Variants in ITPR1 observed in about 807,000 individuals in gnomAD.
The protein encoded by ITPR1 is inositol 1,4,5-trisphosphate receptor type 1.
A neutral mutation model predicts 318.4 loss-of-function variants in ITPR1; 96 were observed. That is an observed-to-expected ratio of 0.30 (90% confidence interval 0.26 to 0.36). The LOEUF is 0.36. Among genes scored for constraint, ITPR1 ranks in the 10% least tolerant of loss-of-function variants. The probability of loss-of-function intolerance (pLI) is 1.00; values close to 1 mark genes in which losing one functional copy is unlikely to be tolerated. For missense variants in ITPR1, 2,440 were observed against 3,460.2 expected (o/e 0.71, Z 7.40); for synonymous variants, 1,312 against 1,289.9 (o/e 1.02, Z -0.37).
intron 4 of ITPR1, among the ~76,000 whole-genome samples, chr3:4,586,633 C>G (rs1244442702): frequency 6.6e-6 from 1 of 151,716 alleles, no homozygotes; most frequent in Non-Finnish European, 1.5e-5. Context: ...CCTCAGCTTC[C>G]TGAGTAGCTG....
chr3:4,615,464 C>T (rs2092351397), intron 4 of ITPR1, among the ~76,000 whole-genome samples: 1 of 151,408 alleles, frequency 6.6e-6, no homozygotes, highest in Non-Finnish European at 1.5e-5. Context: ...GCAACCCCTG[C>T]CTCCCGGGTT....
chr3:4,828,470 C>G (rs1000728783), intron 60 of ITPR1, among the ~76,000 whole-genome samples: 1 of 152,152 alleles, frequency 6.6e-6, no homozygotes, highest in African/African-American at 2.4e-5. Flanking sequence ...TCGCCCTGCC[C>G]TTGTCCAGCA....
chr3:4,798,019 T>C (rs1196957878), intron 53 of ITPR1, among the ~76,000 whole-genome samples: 1 of 152,206 alleles, frequency 6.6e-6, no homozygotes, highest in Non-Finnish European at 1.5e-5. Flanking sequence ...AGCACTATGT[T>C]TTTTAACACT....
At chr3:4,693,307 A>G (rs2094508164) in intron 32 of ITPR1, among the ~76,000 whole-genome samples, 183 bp from the exon 33 acceptor site, 1 of 152,182 alleles carries the variant, frequency 6.6e-6, no homozygotes, top group Admixed American at 6.5e-5. Flanking sequence ...TCTGTGGACT[A>G]AAATTATGAT....
intron 44 of ITPR1, among the ~76,000 whole-genome samples, chr3:4,764,624 C>T (rs1192983591): frequency 6.6e-6 from 1 of 152,200 alleles, no homozygotes; most frequent in Non-Finnish European, 1.5e-5. Context: ...GCTGTAGGGG[C>T]AGCCTCACTG....
At chr3:4,668,256 C>A (rs1057301790) in intron 18 of ITPR1, among the ~76,000 whole-genome samples, 1 of 150,618 alleles carries the variant, frequency 6.6e-6, no homozygotes, top group East Asian at 1.9e-4. Flanking sequence ...TCCCCACCTC[C>A]CCCCTGCCCT....
At chr3:4,645,543 A>G (rs760645464) in intron 9 of ITPR1, 39 bp from the exon 10 acceptor site, 3 of 1,609,162 alleles carry the variant, frequency 1.9e-6, no homozygotes, top group South Asian at 2.2e-5. Flanking sequence ...CTCTTTTTAA[A>G]TTCTTTTTTC....
chr3:4,674,774 A>G (rs1179815262), intron 22 of ITPR1, among the ~76,000 whole-genome samples: 1 of 151,838 alleles, frequency 6.6e-6, no homozygotes, highest in African/African-American at 2.4e-5. Context: ...CTTATTGGGA[A>G]TAACTCTGCT....
rs58015996 is a variant in ITPR1, at chr3:4,834,965, T to C, written c.8029-1809T>C. Among the ~76,000 whole-genome samples the C allele has an allele frequency of 8.8e-3, 1,343 of 152,224 alleles. 14 individuals carry two copies. Among genetic ancestry groups the C allele is most frequent in the African/African-American group, 0.031 (1,268 of 41,514 alleles). On this transcript the variant is annotated intron_variant, in intron 60 of 61. Coordinates refer to ENST00000649015, the MANE Select transcript of ITPR1 (RefSeq NM_001378452.1). ...CAGCTCAGGCTTACTACTTAAGCAT[T>C]TGTTATTAGGGTGCATGCAGAAGAA...
intron 40 of ITPR1, among the ~76,000 whole-genome samples, chr3:4,723,321 G>C (rs1209297189): frequency 6.6e-6 from 1 of 152,192 alleles, no homozygotes; most frequent in Non-Finnish European, 1.5e-5. Flanking sequence ...GGGTTTTCCA[G>C]TCTATTCCAC....
Position 4,561,855 on chromosome 3 carries a change from G to A in ITPR1, c.163+40761G>A, listed in dbSNP as rs978076678. On this transcript the variant is annotated intron_variant, in intron 4 of 61. Transcript: ENST00000649015. ...TTGTTTTGCTCAAAGGTCACATTGA[G>A]GATTCAGAGCTCATGACTCAGGATG... is the stretch of plus-strand genomic sequence containing the variant. Among the ~76,000 whole-genome samples the A allele has an allele frequency of 5.1e-4, 78 of 152,194 alleles. 1 individual carries two copies. Among genetic ancestry groups the A allele is most frequent in the Non-Finnish European group, 1.6e-4 (11 of 68,012 alleles).
At chr3:4,815,410 G>T (rs1361651649) in intron 59 of ITPR1, among the ~76,000 whole-genome samples, 192 bp downstream of exon 59, 2 of 152,184 alleles carry the variant, frequency 1.3e-5, no homozygotes, top group East Asian at 3.8e-4. Context: ...CTGCTGGGAA[G>T]TATTTACAGA....
chr3:4,498,653 C>G (rs1244006547), intron 2 of ITPR1, among the ~76,000 whole-genome samples: 1 of 152,174 alleles, frequency 6.6e-6, no homozygotes, highest in Non-Finnish European at 1.5e-5. Flanking sequence ...GGGGGTAAAA[C>G]CCAGATTTCT....
intron 4 of ITPR1, among the ~76,000 whole-genome samples, chr3:4,590,787 G>C (rs1348388679): frequency 1.3e-5 from 2 of 151,940 alleles, no homozygotes; most frequent in African/African-American, 4.8e-5. Flanking sequence ...AGACAAACAC[G>C]TGTCACGGGG....
chr3:4,677,129 T>A (rs188810078), intron 24 of ITPR1, among the ~76,000 whole-genome samples: 1 of 152,312 alleles, frequency 6.6e-6, no homozygotes, highest in Admixed American at 6.5e-5. Flanking sequence ...TGCTTATTGA[T>A]CATAACTAGG....
At position 4,533,390 on chromosome 3, in the gene ITPR1, G is replaced by GTTATAT. The variant is rs1575438922; in HGVS notation, c.163+12296_163+12297insTTATAT. Among the ~76,000 whole-genome samples the GTTATAT allele has an allele frequency of 1.8e-4, 28 of 152,312 alleles. 1 individual carries two copies. In the East Asian group the frequency reaches 5.2e-3, roughly 28 times the overall value. On this transcript the variant is annotated intron_variant, in intron 4 of 61. Coordinates refer to ENST00000649015, the MANE Select transcript of ITPR1 (RefSeq NM_001378452.1). ...TGCTCTTACTAGTTATATGACCACA[G>GTTATAT]GCAAGTCATTTAACCTGTCTATGCC...
chr3:4,547,375 G>A (rs1012171255), intron 4 of ITPR1, among the ~76,000 whole-genome samples: 2 of 152,206 alleles, frequency 1.3e-5, no homozygotes, highest in Non-Finnish European at 2.9e-5. Context: ...ATGGAAAGCT[G>A]TAATATAAGC....
intron 10 of ITPR1, among the ~76,000 whole-genome samples, chr3:4,647,200 C>G (rs2093478096): frequency 6.6e-6 from 1 of 151,712 alleles, no homozygotes; most frequent in South Asian, 2.1e-4. Flanking sequence ...TTTTGAGATT[C>G]GTATATATTC....
At chr3:4,687,402 C>T (rs1039352881) in intron 30 of ITPR1, among the ~76,000 whole-genome samples, 14 of 152,152 alleles carry the variant, frequency 9.2e-5, no homozygotes, top group African/African-American at 3.4e-4. Flanking sequence ...CTCCTTTTCA[C>T]GGATGAGTAA....
Sources: gnomAD v4.1 joint callset for allele counts (sites outside exome capture counted in the v4.1 genomes callset) on GRCh38, gnomAD v4.1.1 for gene constraint, MANE v1.5 for transcripts, NCBI Gene and HGNC (gene_info 2026-07-23, HGNC 2026-07-21) for gene names.